The following ANTXR1 variants were observed in gnomAD, a reference collection of about 807,000 sequenced individuals.
The protein encoded by ANTXR1 is ANTXR cell adhesion molecule 1, also known as anthrax toxin receptor 1.
Under a neutral mutation model 78.1 loss-of-function variants are expected in ANTXR1, and 19 were observed. The ratio of observed to expected loss-of-function variants is 0.24; its 90% CI spans 0.17 to 0.36. ANTXR1 has a LOEUF of 0.36. Ranked by LOEUF, ANTXR1 falls within the 10% of genes least tolerant of loss-of-function variation. The pLI, the probability that ANTXR1 is intolerant of heterozygous loss-of-function variation, is 1.00. For missense variants in ANTXR1, 518 were observed against 718.6 expected (o/e 0.72, Z 3.19); for synonymous variants, 273 against 260.5 (o/e 1.05, Z -0.46).
At chr2:69,129,428 A>G (rs1672652419) in intron 12 of ANTXR1, among the ~76,000 whole-genome samples, 1 of 152,204 alleles carries the variant, frequency 6.6e-6, no homozygotes, top group African/African-American at 2.4e-5. Context: ...CCTAAAATCC[A>G]GTTGGAGAAA....
chr2:69,242,868 G>C (rs996780831), intron 17 of ANTXR1, among the ~76,000 whole-genome samples: 7 of 152,224 alleles, frequency 4.6e-5, no homozygotes, highest in Admixed American at 1.3e-4. Context: ...CTATAAAAGA[G>C]GGCAGCTTGA....
intron 5 of ANTXR1, among the ~76,000 whole-genome samples, chr2:69,072,468 T>C (rs569877389): frequency 6.6e-6 from 1 of 152,336 alleles, no homozygotes; most frequent in African/African-American, 2.4e-5. Flanking sequence ...CACCAAATCT[T>C]GCTAATGTAA....
intron 2 of ANTXR1, among the ~76,000 whole-genome samples, chr2:69,043,879 T>C (rs1206430111): frequency 1.3e-5 from 2 of 152,136 alleles, no homozygotes; most frequent in Non-Finnish European, 2.9e-5. Flanking sequence ...TGAGAAACAC[T>C]TGGGGAACTG....
chr2:69,115,751 T>A (rs922715067), intron 10 of ANTXR1, among the ~76,000 whole-genome samples: 1 of 152,188 alleles, frequency 6.6e-6, no homozygotes, highest in African/African-American at 2.4e-5. Flanking sequence ...GCCAAGCCCA[T>A]CCCCTGATCT....
rs747171035 is a variant in ANTXR1, at chr2:69,182,573, G to A, written c.1266G>A (p.Glu422=). ...AGAATGCAAGAGTCAAGATGCCGGA[G>A]CAGGAATATGAATTCCCTGAGCCGC... ...KAKNARVKMP[E]QEYEFPEPRN... The change falls in exon 16 of 18, where the codon GAG becomes GAA. Residue 422 remains glutamate, a synonymous_variant. Coordinates refer to ENST00000303714, the MANE Select transcript of ANTXR1 (RefSeq NM_032208.3). 3.7e-6 allele frequency: 6 copies of A among 1,614,076 alleles called. No individual in the cohort carries two copies. Among genetic ancestry groups the A allele is most frequent in the East Asian group, 2.2e-5 (1 of 44,902 alleles).
At chr2:69,084,856 T>TG (rs1671000947) in intron 8 of ANTXR1, among the ~76,000 whole-genome samples, 1 of 144,670 alleles carries the variant, frequency 6.9e-6, no homozygotes, top group East Asian at 2.0e-4. Context: ...AACTTTTTTT[T>TG]TTTTTTTTTT....
intron 14 of ANTXR1, chr2:69,172,385 C>G (rs760383624): frequency 1.2e-6 from 2 of 1,611,996 alleles, no homozygotes; most frequent in Non-Finnish European, 1.7e-6. Flanking sequence ...AATAAAATAA[C>G]AAGAAGAAGA....
At chr2:69,191,729 A>G (rs868104808) in intron 16 of ANTXR1, among the ~76,000 whole-genome samples, 12 of 152,240 alleles carry the variant, frequency 7.9e-5, no homozygotes, top group African/African-American at 2.7e-4. Flanking sequence ...GAGAAACCCT[A>G]TGTTCTAAAG....
At chr2:69,224,557 T>C (rs544823448) in intron 17 of ANTXR1, among the ~76,000 whole-genome samples, 1 of 152,264 alleles carries the variant, frequency 6.6e-6, no homozygotes, top group East Asian at 1.9e-4. Context: ...AACTTGGGCT[T>C]GCATTCCATT....
intron 17 of ANTXR1, among the ~76,000 whole-genome samples, chr2:69,243,206 C>T (rs1675931897): frequency 6.6e-6 from 1 of 152,154 alleles, no homozygotes; most frequent in African/African-American, 2.4e-5. Context: ...CTAAGGTTTC[C>T]CACCCCCTAC....
At chr2:69,166,519 A>G (rs1673832093) in intron 13 of ANTXR1, among the ~76,000 whole-genome samples, 1 of 152,196 alleles carries the variant, frequency 6.6e-6, no homozygotes, top group South Asian at 2.1e-4. Context: ...CTGCTTCTCT[A>G]AAATACCCAG....
chr2:69,040,427 A>G (rs1466848233), intron 2 of ANTXR1, among the ~76,000 whole-genome samples: 5 of 152,236 alleles, frequency 3.3e-5, no homozygotes, highest in African/African-American at 1.2e-4. Flanking sequence ...ATCATGCAGC[A>G]GCAATTGGCA....
At chr2:69,114,658 T>A (rs1236892720) in intron 10 of ANTXR1, among the ~76,000 whole-genome samples, 1 of 152,216 alleles carries the variant, frequency 6.6e-6, no homozygotes, top group Admixed American at 6.5e-5. Flanking sequence ...ATCCATGTCA[T>A]GTCAGAGCCT....
intron 8 of ANTXR1, among the ~76,000 whole-genome samples, chr2:69,088,947 G>A (rs554355201): frequency 2.0e-4 from 30 of 152,280 alleles, no homozygotes; most frequent in African/African-American, 6.0e-4. Context: ...ATGGGAGTCC[G>A]GAGCATTCCC....
At chr2:69,203,662 C>A (rs1674826516) in intron 17 of ANTXR1, among the ~76,000 whole-genome samples, 2 of 152,028 alleles carry the variant, frequency 1.3e-5, no homozygotes, top group African/African-American at 4.8e-5. Flanking sequence ...CCCTCCCTCT[C>A]CCTCTCTTCC....
intron 1 of ANTXR1, among the ~76,000 whole-genome samples, chr2:69,021,687 C>G (rs1671195576): frequency 6.6e-6 from 1 of 152,214 alleles, no homozygotes; most frequent in South Asian, 2.1e-4. Flanking sequence ...AATAATCCTC[C>G]ATGTGCCTAG....
chr2:69,118,215 T>C (rs1368931044), intron 10 of ANTXR1, among the ~76,000 whole-genome samples: 1 of 141,642 alleles, frequency 7.1e-6, no homozygotes, highest in South Asian at 2.2e-4. Flanking sequence ...GTTCCAGAGC[T>C]GCCTGGGCAA....
At chr2:69,014,920 C>T (rs1670976152) in intron 1 of ANTXR1, among the ~76,000 whole-genome samples, 2 of 152,130 alleles carry the variant, frequency 1.3e-5, no homozygotes, top group Admixed American at 6.5e-5. Flanking sequence ...TGAAAATATG[C>T]TCCAGTGCTA....
chr2:69,050,649 T>C (rs1225222168), intron 3 of ANTXR1, among the ~76,000 whole-genome samples: 2 of 152,178 alleles, frequency 1.3e-5, no homozygotes, highest in South Asian at 2.1e-4. Flanking sequence ...AGAAGCTCTT[T>C]GACAGTTACC....
Sources: allele counts gnomAD v4.1 joint callset (sites outside exome capture counted in the v4.1 genomes callset), GRCh38; gene constraint gnomAD v4.1.1; transcripts MANE v1.5; gene names NCBI Gene and HGNC (gene_info 2026-07-23, HGNC 2026-07-21).